TRPS1: variants seen among roughly 807,000 people sequenced by gnomAD.
TRPS1 encodes transcriptional repressor GATA binding 1, also known as zinc finger transcription factor Trps1.
A neutral mutation model predicts 101.2 loss-of-function variants in TRPS1; 6 were observed. The observed-to-expected ratio is 0.06, with a 90% CI of 0.03 to 0.12. The LOEUF is 0.12. Among genes scored for constraint, TRPS1 ranks in the 10% least tolerant of loss-of-function variants. The probability of loss-of-function intolerance (pLI) is 1.00; values close to 1 mark genes in which losing one functional copy is unlikely to be tolerated. For missense variants in TRPS1, 1,363 were observed against 1,567.0 expected, an observed-to-expected ratio of 0.87 and a Z score of 2.20; for synonymous variants, 578 against 589.8, an observed-to-expected ratio of 0.98 and a Z score of 0.29.
intron 5 of TRPS1, among the ~76,000 whole-genome samples, chr8:115,439,622 A>G (rs1241424238): frequency 6.6e-6 from 1 of 152,196 alleles, no homozygotes; most frequent in East Asian, 1.9e-4. Context: ...TGTTTACATT[A>G]TTATTAGCAC....
intron 4 of TRPS1, among the ~76,000 whole-genome samples, chr8:115,589,086 C>T (rs1012531971): frequency 1.3e-5 from 2 of 152,104 alleles, no homozygotes; most frequent in Non-Finnish European, 2.9e-5. Context: ...AGAAGCTATC[C>T]TTGGAGGATG....
intron 1 of TRPS1, chr8:115,661,650 T>G (rs1811797211): frequency 6.6e-6 from 1 of 152,032 alleles, no homozygotes; most frequent in African/African-American, 2.4e-5. Context: ...TAGTGGTGGA[T>G]TCTTGGAGCA....
chr8:115,485,636 G>A (rs1281687402), intron 5 of TRPS1, among the ~76,000 whole-genome samples: 4 of 151,978 alleles, frequency 2.6e-5, no homozygotes, highest in Non-Finnish European at 5.9e-5. Flanking sequence ...TAGTCACTCC[G>A]TGAGGGAATG....
intron 4 of TRPS1, among the ~76,000 whole-genome samples, chr8:115,599,789 T>C (rs1244603388): frequency 6.6e-6 from 1 of 152,194 alleles, no homozygotes; most frequent in Non-Finnish European, 1.5e-5. Flanking sequence ...TGAACAATGG[T>C]ACAATAAACA....
chr8:115,508,408 A>T (rs1022614099), intron 5 of TRPS1, among the ~76,000 whole-genome samples: 3 of 152,070 alleles, frequency 2.0e-5, no homozygotes, highest in Non-Finnish European at 4.4e-5. Context: ...TTTCCTGTCA[A>T]ATATTGTCGT....
chr8:115,481,602 T>C (rs1462928402), intron 5 of TRPS1, among the ~76,000 whole-genome samples: 5 of 152,186 alleles, frequency 3.3e-5, no homozygotes, highest in Admixed American at 3.3e-4. Context: ...CATTCTGAAA[T>C]CTGAGCAACT....
intron 4 of TRPS1, among the ~76,000 whole-genome samples, chr8:115,600,126 A>G (rs1008722980): frequency 3.3e-5 from 5 of 152,216 alleles, no homozygotes; most frequent in Admixed American, 2.0e-4. Context: ...TTGGCCGCAT[A>G]AATATCTTCT....
At chr8:115,423,211 T>G (rs191981137) in intron 5 of TRPS1, among the ~76,000 whole-genome samples, 29 of 152,326 alleles carry the variant, frequency 1.9e-4, no homozygotes, top group Admixed American at 1.6e-3. Context: ...GAGAAAATGA[T>G]TGTTTGCTTT....
At chr8:115,525,924 T>C (rs942852128) in intron 5 of TRPS1, among the ~76,000 whole-genome samples, 3 of 152,172 alleles carry the variant, frequency 2.0e-5, no homozygotes, top group African/African-American at 7.2e-5. Flanking sequence ...TGATGGTGTG[T>C]TAAGCAAATC....
chr8:115,525,938 C>T (rs967845243), intron 5 of TRPS1, among the ~76,000 whole-genome samples: 1 of 152,120 alleles, frequency 6.6e-6, no homozygotes, highest in Non-Finnish European at 1.5e-5. Context: ...GCAAATCTTT[C>T]AGCTAAAATG....
chr8:115,639,357 C>T (rs1005213903), intron 1 of TRPS1, among the ~76,000 whole-genome samples: 11 of 152,228 alleles, frequency 7.2e-5, no homozygotes, highest in East Asian at 5.8e-4. Context: ...GTGTGAGCCA[C>T]GATGTCCAAC....
At chr8:115,498,393 C>T (rs1218238295) in intron 5 of TRPS1, among the ~76,000 whole-genome samples, 3 of 76,798 alleles carry the variant, frequency 3.9e-5, no homozygotes, top group African/African-American at 1.8e-4. Flanking sequence ...CTCTCTCTCT[C>T]TCTCTCTCTC....
At chr8:115,486,340 C>T (rs1292400756) in intron 5 of TRPS1, among the ~76,000 whole-genome samples, 2 of 152,188 alleles carry the variant, frequency 1.3e-5, no homozygotes, top group South Asian at 4.1e-4. Flanking sequence ...ATCTCTCTCC[C>T]TCTCCAAGGG....
intron 5 of TRPS1, among the ~76,000 whole-genome samples, chr8:115,465,232 A>G (rs763630518): frequency 6.6e-6 from 1 of 152,118 alleles, no homozygotes; most frequent in Admixed American, 6.6e-5. Flanking sequence ...TTGGTGAATC[A>G]GGGTAATATT....
Position 115,587,895 on chromosome 8 carries a change from C to T in TRPS1, c.2097-291G>A, listed in dbSNP as rs368636936. Among the ~76,000 whole-genome samples, 74 of 152,344 alleles carry T rather than the reference C, an allele frequency of 4.9e-4. 2 individuals are homozygous for T. The highest frequency in any genetic ancestry group is 1.6e-3 in the African/African-American group (65 of 41,584). ...CGCACGCACGCTGCTCGTGCTTGTG[C>T]GCATACATTCCAGGTGATTAGCATT... On this transcript the variant is annotated intron_variant, in intron 4 of 6. Transcript: ENST00000395715.
chr8:115,538,106 A>G (rs1429802313), intron 5 of TRPS1, among the ~76,000 whole-genome samples: 2 of 152,206 alleles, frequency 1.3e-5, no homozygotes, highest in Non-Finnish European at 2.9e-5. Flanking sequence ...TTGCATCTAA[A>G]TTTATACTTG....
rs1163994595 is a variant in TRPS1, at chr8:115,587,130, G to A, written c.2571C>T (p.Gly857=). The A allele has an allele frequency of 6.8e-6, 11 of 1,614,174 alleles. No homozygotes were observed. The highest frequency in any genetic ancestry group is 1.1e-5 in the South Asian group (1 of 91,092). ...GGAATCCCTTGGTTTCCACAGCCAA[G>A]CCATAAATAGGTCGCGCCAGATGGG... The part of the protein sequence containing the change: ...EAAHLARPIY[G]LAVETKGFLQ... Residue 857 remains glycine (G), a synonymous_variant, in exon 5 of 7, where the codon GGC becomes GGT. Coordinates refer to ENST00000395715, the MANE Select transcript of TRPS1 (RefSeq NM_014112.5).
At chr8:115,431,743 C>T (rs933043264) in intron 5 of TRPS1, among the ~76,000 whole-genome samples, 14 of 151,878 alleles carry the variant, frequency 9.2e-5, no homozygotes, top group South Asian at 4.2e-4. Flanking sequence ...ATAGATTACA[C>T]GCACAAAATA....
intron 5 of TRPS1, among the ~76,000 whole-genome samples, chr8:115,503,331 C>T (rs1815365810): frequency 6.6e-6 from 1 of 150,430 alleles, no homozygotes; most frequent in Non-Finnish European, 1.5e-5. Context: ...AAAATTGAAC[C>T]ACTGTCCAGG....
Sources: allele counts gnomAD v4.1 joint callset (sites outside exome capture counted in the v4.1 genomes callset), GRCh38; gene constraint gnomAD v4.1.1; transcripts MANE v1.5; gene names NCBI Gene and HGNC (gene_info 2026-07-23, HGNC 2026-07-21).